DGKB: variants seen among roughly 807,000 people sequenced by gnomAD.
The protein encoded by DGKB is diacylglycerol kinase beta, also known as 90 kDa diacylglycerol kinase.
DGKB carries 67 observed loss-of-function variants against 114.3 expected under a neutral mutation model. The ratio of observed to expected loss-of-function variants is 0.59; its 90% CI spans 0.48 to 0.72. The LOEUF (loss-of-function observed/expected upper bound fraction) is 0.72, where lower values mean the gene tolerates loss of function less well. Among genes scored for constraint, DGKB ranks in the 30% least tolerant of loss-of-function variants. DGKB has a pLI of 0.00. For missense variants in DGKB, 907 were observed against 975.2 expected, an observed-to-expected ratio of 0.93 and a Z score of 0.93; for synonymous variants, 398 against 323.1, an observed-to-expected ratio of 1.23 and a Z score of -2.49.
intron 1 of DGKB, among the ~76,000 whole-genome samples, chr7:14,961,358 A>G (rs919762359): frequency 2.6e-5 from 4 of 152,162 alleles, no homozygotes; most frequent in Non-Finnish European, 5.9e-5. Flanking sequence ...TTTAGTAACC[A>G]AACCTTTCTA....
intron 1 of DGKB, among the ~76,000 whole-genome samples, chr7:14,919,588 A>C (rs1391771514): frequency 6.6e-6 from 1 of 152,222 alleles, no homozygotes; most frequent in Admixed American, 6.5e-5. Context: ...ATTGCAAAAA[A>C]CTGAAAGCAA....
intron 13 of DGKB, among the ~76,000 whole-genome samples, chr7:14,642,250 G>C (rs921439164): frequency 1.3e-5 from 2 of 151,840 alleles, no homozygotes; most frequent in African/African-American, 4.8e-5. Context: ...GTTTTCTTTA[G>C]TATTCTTGAC....
chr7:14,810,905 G>T (rs952926966), intron 2 of DGKB, among the ~76,000 whole-genome samples: 1 of 152,096 alleles, frequency 6.6e-6, no homozygotes, highest in African/African-American at 2.4e-5. Context: ...CACGGCGCCC[G>T]GCCTACTTAC....
At chr7:14,339,187 A>G (rs1302649125) in intron 22 of DGKB, among the ~76,000 whole-genome samples, 1 of 150,684 alleles carries the variant, frequency 6.6e-6, no homozygotes, top group Non-Finnish European at 1.5e-5. Flanking sequence ...CAGAGAAAGA[A>G]GTAGCTTAAA....
At chr7:14,846,190 G>A (rs1848606041) in intron 1 of DGKB, among the ~76,000 whole-genome samples, 1 of 152,150 alleles carries the variant, frequency 6.6e-6, no homozygotes, top group South Asian at 2.1e-4. Context: ...ATCTCTGAGT[G>A]GCTCAAAGTA....
intron 25 of DGKB, among the ~76,000 whole-genome samples, chr7:14,160,801 G>A (rs1207200015): frequency 3.9e-5 from 6 of 152,012 alleles, no homozygotes; most frequent in African/African-American, 9.7e-5. Flanking sequence ...AAAAGAGCCC[G>A]TATAGCCAAG....
At chr7:14,689,952 A>C (rs61319951) in intron 9 of DGKB, among the ~76,000 whole-genome samples, 1 of 152,170 alleles carries the variant, frequency 6.6e-6, no homozygotes, top group African/African-American at 2.4e-5. Context: ...GACCTATAAG[A>C]ATTGAAGACC....
intron 5 of DGKB, among the ~76,000 whole-genome samples, chr7:14,734,605 G>A (rs904754943): frequency 6.6e-6 from 1 of 152,132 alleles, no homozygotes; most frequent in African/African-American, 2.4e-5. Flanking sequence ...CATGAAGCCA[G>A]GCATTAAAGA....
intron 3 of DGKB, among the ~76,000 whole-genome samples, chr7:14,756,299 G>A (rs973690538): frequency 4.0e-5 from 6 of 151,784 alleles, no homozygotes; most frequent in African/African-American, 7.2e-5. Context: ...TCATCTTTAC[G>A]TTTCCCACCC....
At chr7:14,371,041 T>TAA (rs900963044) in intron 21 of DGKB, among the ~76,000 whole-genome samples, 10 of 152,294 alleles carry the variant, frequency 6.6e-5, no homozygotes, top group East Asian at 5.8e-4. Flanking sequence ...TATATATATA[T>TAA]AACACATTTT....
At chr7:14,494,011 T>C (rs1393854217) in intron 20 of DGKB, among the ~76,000 whole-genome samples, 3 of 151,640 alleles carry the variant, frequency 2.0e-5, no homozygotes, top group Non-Finnish European at 2.9e-5. Flanking sequence ...GTTAATCATA[T>C]GCCATATCCA....
intron 21 of DGKB, among the ~76,000 whole-genome samples, chr7:14,436,759 A>G (rs969435446): frequency 6.6e-6 from 1 of 152,128 alleles, no homozygotes; most frequent in African/African-American, 2.4e-5. Context: ...CTCATTACAG[A>G]TAGTCTAGCC....
At chr7:14,526,540 A>G (rs574507296) in intron 20 of DGKB, among the ~76,000 whole-genome samples, 49 of 152,288 alleles carry the variant, frequency 3.2e-4, no homozygotes, top group African/African-American at 1.1e-3. Context: ...ATTTTGAGAA[A>G]GGCATTGTGA....
At chr7:14,248,447 T>C (rs1458543905) in intron 23 of DGKB, among the ~76,000 whole-genome samples, 1 of 152,114 alleles carries the variant, frequency 6.6e-6, no homozygotes, top group Non-Finnish European at 1.5e-5. Context: ...GTATGTAGTA[T>C]GGACATTTTA....
intron 2 of DGKB, among the ~76,000 whole-genome samples, chr7:14,816,006 G>T (rs1349506094): frequency 6.6e-6 from 1 of 152,126 alleles, no homozygotes; most frequent in Non-Finnish European, 1.5e-5. Context: ...TATCTCTGTA[G>T]AGAGTAACCA....
rs563150309 is a variant in DGKB at position 14,233,141 on chromosome 7, C to T, written c.2123-54990G>A. Among the ~76,000 whole-genome samples, 340 of 152,028 alleles carry T rather than the reference C, an allele frequency of 2.2e-3. 1 individual carries two copies. Among genetic ancestry groups the T allele is most frequent in the Non-Finnish European group, 3.9e-3 (263 of 67,972 alleles). ...GACAGAGGGGAACACACTGAAGATC[C>T]CTCAAGACAATGCAAGCCTATGTAT... On this transcript the variant is annotated intron_variant, in intron 23 of 25. Transcript: ENST00000402815.
intron 5 of DGKB, among the ~76,000 whole-genome samples, chr7:14,721,554 G>T (rs1564011860): frequency 6.6e-6 from 1 of 152,054 alleles, no homozygotes; most frequent in Non-Finnish European, 1.5e-5. Flanking sequence ...GCTGTATCAT[G>T]TATTTATTTC....
chr7:14,804,071 G>GTGTA lies in DGKB; in HGVS notation c.70+37122_70+37123insTACA, dbSNP rs1491308829. On this transcript the variant is annotated intron_variant, in intron 2 of 25. Coordinates refer to ENST00000402815, the MANE Select transcript of DGKB (RefSeq NM_001350709.2). ...TCTTCACATTGACTTCACTTTTTGG[G>GTGTA]TGTGTGTGTGTGTGTGTGTGTGTGT... 5.9e-5 allele frequency among the ~76,000 whole-genome samples: 3 copies of GTGTA among 51,152 alleles called. No individual in the cohort carries two copies. In the African/African-American group the frequency reaches 6.3e-4, roughly 11 times the overall value. The allele number at this position is 51,152 out of a possible 152,430, so 33.6% of individuals were successfully genotyped here. A position where few individuals can be genotyped will look rare whatever the true frequency, so the allele number is the denominator to read the frequency against.
intron 1 of DGKB, among the ~76,000 whole-genome samples, chr7:14,926,744 C>T (rs942546203): frequency 6.6e-6 from 1 of 151,838 alleles, no homozygotes; most frequent in Non-Finnish European, 1.5e-5. Flanking sequence ...TGTAATATCT[C>T]TGAAAGTGAA....
Sources: allele counts gnomAD v4.1 joint callset (sites outside exome capture counted in the v4.1 genomes callset), GRCh38; gene constraint gnomAD v4.1.1; transcripts MANE v1.5; gene names NCBI Gene and HGNC (gene_info 2026-07-23, HGNC 2026-07-21).